The following PCED1B variants were observed in gnomAD, a reference collection of about 807,000 sequenced individuals.
The protein encoded by PCED1B is PC-esterase domain containing 1B.
For missense variants in PCED1B, 573 were observed against 573.9 expected (o/e 1.00, Z 0.02); for synonymous variants, 251 against 246.1 (o/e 1.02, Z -0.19).
intron 3 of PCED1B, among the ~76,000 whole-genome samples, chr12:47,226,993 G>T (rs1943650893): frequency 6.6e-6 from 1 of 151,968 alleles, no homozygotes; most frequent in Non-Finnish European, 1.5e-5. Context: ...TTTTGGTTTT[G>T]TTAAGTTTTA....
rs1491343812 is a variant in PCED1B at position 47,154,778 on chromosome 12, CAT to C, written c.-526+50584_-526+50585del. On this transcript the variant is annotated intron_variant, in intron 2 of 3. Transcript: ENST00000546455. ...TGTAGGACAGAGGGGTGTGTGTGTG[CAT>C]GTGTGTGTGTGTGTGTGTGTGTGTG... Among the ~76,000 whole-genome samples, 588 of 92,590 alleles carry C rather than the reference CAT, an allele frequency of 6.4e-3. 2 individuals are homozygous for C. Among genetic ancestry groups the C allele is most frequent in the African/African-American group, 0.029 (558 of 19,034 alleles). 60.7% of individuals were successfully genotyped at this position (92,590 alleles called of 152,430 possible).
At chr12:47,167,362 C>T (rs1211498083) in intron 2 of PCED1B, among the ~76,000 whole-genome samples, 3 of 152,034 alleles carry the variant, frequency 2.0e-5, no homozygotes, top group African/African-American at 7.3e-5. Context: ...TCCCTGCTGA[C>T]CAACTAGGAA....
intron 2 of PCED1B, among the ~76,000 whole-genome samples, chr12:47,201,144 AG>A (rs888499443): frequency 9.2e-5 from 14 of 151,954 alleles, no homozygotes; most frequent in Non-Finnish European, 1.5e-4. Flanking sequence ...AGAAAAGGGG[AG>A]GGGGGGAGTC....
At position 47,236,273 on chromosome 12, in the gene PCED1B, C is replaced by G; in HGVS notation, c.1210C>G (p.Arg404Gly). ...GGTACATAGGGGTTTTGGCAGGTATCGTCCCCGTGGCCCCTATACGCCCTG... is the reference window on the plus strand; with the variant it reads ...GGTACATAGGGGTTTTGGCAGGTATGGTCCCCGTGGCCCCTATACGCCCTG... ...PVVHRGFGRY[R>G]PRGPYTPWGQ... Residue 404 changes from arginine (R) to glycine (G), a missense_variant, in exon 4 of 4, where the codon CGT becomes GGT. Coordinates refer to ENST00000546455, the MANE Select transcript of PCED1B (RefSeq NM_138371.3). 6.2e-6 allele frequency: 10 copies of G among 1,614,168 alleles called. No individual in the cohort carries two copies. The highest frequency in any genetic ancestry group is 1.1e-5 in the South Asian group (1 of 91,086).
At chr12:47,217,466 GAAAGAGAAAGAA>G (rs754078522) in intron 3 of PCED1B, among the ~76,000 whole-genome samples, 4,134 of 70,448 alleles carry the variant, frequency 0.059, 235 homozygotes, top group Non-Finnish European at 0.067. Context: ...GAAAAAGAAA[GAAAGAGAAAGAA>G]AGAAAGAAAG....
intron 2 of PCED1B, among the ~76,000 whole-genome samples, chr12:47,171,708 T>C (rs1941741859): frequency 6.6e-6 from 1 of 152,170 alleles, no homozygotes; most frequent in Admixed American, 6.5e-5. Flanking sequence ...AATTCTTGGA[T>C]TGTAGTTCTT....
Position 47,226,815 on chromosome 12 carries a change from G to T in PCED1B, c.-57-8192G>T, listed in dbSNP as rs909829259. ...TATCAAATCTGCAGCAAAGAAAGAT[G>T]CCTAGGCTAAAATGATCGCTGATCT... On this transcript the variant is annotated intron_variant, in intron 3 of 3. Coordinates refer to ENST00000546455, the MANE Select transcript of PCED1B (RefSeq NM_138371.3). 5.3e-5 allele frequency among the ~76,000 whole-genome samples: 8 copies of T among 152,244 alleles called. 1 individual carries two copies. Among genetic ancestry groups the T allele is most frequent in the African/African-American group, 1.4e-4 (6 of 41,530 alleles).
At chr12:47,223,936 G>A (rs771896608) in intron 3 of PCED1B, 1 of 152,198 alleles carries the variant, frequency 6.6e-6, no homozygotes, top group Non-Finnish European at 1.5e-5. Context: ...GAGGAAACTG[G>A]TTCAGAACTG....
chr12:47,232,096 G>C (rs921162181), intron 3 of PCED1B, among the ~76,000 whole-genome samples: 2 of 152,210 alleles, frequency 1.3e-5, no homozygotes, highest in Admixed American at 6.5e-5. Flanking sequence ...GGAGCATATA[G>C]TAGGCACTTA....
At chr12:47,233,601 T>A (rs542064017) in intron 3 of PCED1B, among the ~76,000 whole-genome samples, 1 of 152,328 alleles carries the variant, frequency 6.6e-6, no homozygotes, top group Admixed American at 6.5e-5. Context: ...AAAATCATCT[T>A]GGTGTCCATT....
chr12:47,200,374 C>A (rs776388918), intron 2 of PCED1B, among the ~76,000 whole-genome samples: 1 of 152,086 alleles, frequency 6.6e-6, no homozygotes, highest in Non-Finnish European at 1.5e-5. Context: ...TAGGGAATTA[C>A]GAACTAAAAC....
At chr12:47,215,930 T>G (rs1434496449) in intron 2 of PCED1B, among the ~76,000 whole-genome samples, 2 of 151,932 alleles carry the variant, frequency 1.3e-5, no homozygotes, top group Non-Finnish European at 2.9e-5. Flanking sequence ...GGTGGGTGCA[T>G]GTAGTCACAG....
In PCED1B at chr12:47,236,072, C is replaced by A; in HGVS notation, c.1009C>A (p.Pro337Thr). 2 of 1,614,104 alleles carry A rather than the reference C, an allele frequency of 1.2e-6. No homozygotes were observed. Among genetic ancestry groups the A allele is most frequent in the Non-Finnish European group, 1.7e-6 (2 of 1,180,016 alleles). ...GGGAATGCCCCGGTTCCCACAGGGTCCCCCAGATGCCTGTTTTTCCTCAGA... is the reference window on the plus strand; with the variant it reads ...GGGAATGCCCCGGTTCCCACAGGGTACCCCAGATGCCTGTTTTTCCTCAGA... ...HQGMPRFPQGPPDACFSSDHT... is the reference protein window; with the variant it reads ...HQGMPRFPQGTPDACFSSDHT... The change falls in exon 4 of 4, where the codon CCC becomes ACC. Residue 337 changes from proline (P) to threonine (T), a missense_variant. Physicochemically the swap from Pro to Thr is conservative, Grantham distance 38. Transcript: ENST00000546455.
intron 2 of PCED1B, among the ~76,000 whole-genome samples, chr12:47,191,997 TAACTCC>T (rs1942456310): frequency 6.6e-6 from 1 of 152,096 alleles, no homozygotes; most frequent in Non-Finnish European, 1.5e-5. Flanking sequence ...ACATCCTCAT[TAACTCC>T]AACTCAATAG....
chr12:47,099,403 A>T (rs1938610121), intron 1 of PCED1B, among the ~76,000 whole-genome samples: 1 of 152,144 alleles, frequency 6.6e-6, no homozygotes, highest in South Asian at 2.1e-4. Flanking sequence ...CATACTACAT[A>T]AGCTCTTCTG....
intron 2 of PCED1B, among the ~76,000 whole-genome samples, chr12:47,181,926 T>C (rs1942107897): frequency 1.3e-5 from 2 of 152,198 alleles, no homozygotes; most frequent in African/African-American, 4.8e-5. Context: ...ACAAGATCAG[T>C]GCAGAAGTGC....
intron 2 of PCED1B, among the ~76,000 whole-genome samples, chr12:47,207,592 C>T (rs1942950155): frequency 6.6e-6 from 1 of 152,194 alleles, no homozygotes; most frequent in African/African-American, 2.4e-5. Flanking sequence ...TGTATGACCA[C>T]AGACCTCCCT....
At chr12:47,171,065 C>CTT (rs71437788) in intron 2 of PCED1B, among the ~76,000 whole-genome samples, 19,963 of 121,166 alleles carry the variant, frequency 0.16, 2,328 homozygotes, top group East Asian at 0.51. Context: ...GCCAGGTTAC[C>CTT]TTTTTTTTTT....
At chr12:47,090,189 T>G (rs905879827) in intron 1 of PCED1B, among the ~76,000 whole-genome samples, 1 of 152,082 alleles carries the variant, frequency 6.6e-6, no homozygotes. Flanking sequence ...TAACGGAGAA[T>G]GCAAAGACAA....
Sources: gnomAD v4.1 joint callset for allele counts (sites outside exome capture counted in the v4.1 genomes callset) on GRCh38, gnomAD v4.1.1 for gene constraint, MANE v1.5 for transcripts, NCBI Gene and HGNC (gene_info 2026-07-23, HGNC 2026-07-21) for gene names.